RBFOX1: variants seen among roughly 807,000 people sequenced by gnomAD.
RBFOX1 encodes RNA binding fox-1 homolog 1, also known as RNA binding protein fox-1 homolog 1.
Under a neutral mutation model 57.7 loss-of-function variants are expected in RBFOX1, and 8 were observed. The observed-to-expected ratio is 0.14, with a 90% confidence interval of 0.08 to 0.25. The LOEUF (loss-of-function observed/expected upper bound fraction) is 0.25. Ranked by LOEUF, RBFOX1 falls within the 10% of genes least tolerant of loss-of-function variation. The pLI, the probability that RBFOX1 is intolerant of heterozygous loss-of-function variation, is 1.00. For missense variants in RBFOX1, 611 were observed against 548.5 expected (o/e 1.11, Z -1.14); for synonymous variants, 326 against 222.4 (o/e 1.47, Z -4.15).
intron 2 of RBFOX1, among the ~76,000 whole-genome samples, chr16:5,537,006 ATCT>A (rs1484792967): frequency 6.6e-6 from 1 of 152,206 alleles, no homozygotes; most frequent in Non-Finnish European, 1.5e-5. Flanking sequence ...AACAAGGATC[ATCT>A]TCTCCCCAGT....
intron 3 of RBFOX1, among the ~76,000 whole-genome samples, chr16:6,995,503 G>A (rs1042171057): frequency 5.3e-5 from 8 of 152,186 alleles, no homozygotes; most frequent in African/African-American, 1.2e-4. Context: ...GGTGGCTCAC[G>A]CATGTAATCC....
intron 2 of RBFOX1, among the ~76,000 whole-genome samples, chr16:6,320,219 A>G (rs909484146): frequency 6.6e-6 from 1 of 152,176 alleles, no homozygotes; most frequent in African/African-American, 2.4e-5. Flanking sequence ...TGATGCTTGT[A>G]TCACACAGGA....
At chr16:7,133,885 G>A (rs564242193) in intron 4 of RBFOX1, among the ~76,000 whole-genome samples, 17 of 152,058 alleles carry the variant, frequency 1.1e-4, no homozygotes, top group Non-Finnish European at 2.5e-4. Flanking sequence ...AAAATATACA[G>A]CTAAACAGAA....
chr16:5,485,805 G>A (rs957176079), intron 2 of RBFOX1, among the ~76,000 whole-genome samples: 4 of 152,190 alleles, frequency 2.6e-5, no homozygotes, highest in Non-Finnish European at 5.9e-5. Context: ...GCACAAGAAC[G>A]ACCATGGGTT....
chr16:6,694,642 C>G (rs1233122021), intron 3 of RBFOX1, among the ~76,000 whole-genome samples: 1 of 152,132 alleles, frequency 6.6e-6, no homozygotes, highest in African/African-American at 2.4e-5. Context: ...CTGTGTTGGT[C>G]TTATCATGGC....
chr16:7,394,208 C>T (rs1405800474), intron 4 of RBFOX1, among the ~76,000 whole-genome samples: 1 of 119,406 alleles, frequency 8.4e-6, no homozygotes, highest in Non-Finnish European at 1.6e-5. Flanking sequence ...TGCACTCTAG[C>T]CTGGGCAACA....
At chr16:6,960,539 T>A (rs1236129946) in intron 3 of RBFOX1, among the ~76,000 whole-genome samples, 2 of 151,840 alleles carry the variant, frequency 1.3e-5, no homozygotes, top group African/African-American at 4.8e-5. Flanking sequence ...TCTTCAGGAG[T>A]CACCTCTTTC....
intron 3 of RBFOX1, among the ~76,000 whole-genome samples, chr16:6,884,832 A>G (rs562684976): frequency 6.6e-6 from 1 of 152,290 alleles, no homozygotes; most frequent in African/African-American, 2.4e-5. Flanking sequence ...CAGGAGGTGG[A>G]GGTGGCAGTC....
At chr16:6,542,280 C>A (rs1429427318) in intron 2 of RBFOX1, among the ~76,000 whole-genome samples, 1 of 151,908 alleles carries the variant, frequency 6.6e-6, no homozygotes, top group Non-Finnish European at 1.5e-5. Flanking sequence ...GACCAGAGGT[C>A]AGATACTTAT....
intron 3 of RBFOX1, among the ~76,000 whole-genome samples, chr16:6,925,200 C>T (rs187807918): frequency 1.7e-5 from 2 of 117,236 alleles, no homozygotes; most frequent in African/African-American, 3.3e-5. Flanking sequence ...GTGGTATGAT[C>T]TCAGCTCACT....
At chr16:6,997,379 A>G (rs1252366925) in intron 3 of RBFOX1, among the ~76,000 whole-genome samples, 6 of 152,200 alleles carry the variant, frequency 3.9e-5, no homozygotes, top group African/African-American at 7.2e-5. Context: ...TTGTCAACCT[A>G]TGTTGAAAAT....
chr16:5,312,689 C>T (rs899649171), intron 1 of RBFOX1, among the ~76,000 whole-genome samples: 1 of 152,136 alleles, frequency 6.6e-6, no homozygotes, highest in African/African-American at 2.4e-5. Flanking sequence ...AAGAGACAGA[C>T]AATTCTCAAA....
intron 3 of RBFOX1, among the ~76,000 whole-genome samples, chr16:7,033,391 A>T (rs2043322348): frequency 6.6e-6 from 1 of 152,184 alleles, no homozygotes; most frequent in African/African-American, 2.4e-5. Context: ...GTGATGGCAC[A>T]TGCCTGTAAT....
At chr16:5,811,928 C>T (rs1248564767) in intron 3 of RBFOX1, among the ~76,000 whole-genome samples, 1 of 152,190 alleles carries the variant, frequency 6.6e-6, no homozygotes, top group Non-Finnish European at 1.5e-5. Flanking sequence ...TTAATCTACT[C>T]TCCCTCAACC....
At chr16:7,691,529 C>G (rs772398332) in intron 14 of RBFOX1, among the ~76,000 whole-genome samples, 1 of 149,594 alleles carries the variant, frequency 6.7e-6, no homozygotes, top group Non-Finnish European at 1.5e-5. Context: ...TAAGTGCAGA[C>G]TCAAAAAGAA....
intron 4 of RBFOX1, among the ~76,000 whole-genome samples, chr16:7,172,214 T>G (rs376824050): frequency 1.3e-5 from 2 of 152,184 alleles, no homozygotes; most frequent in African/African-American, 4.8e-5. Flanking sequence ...TTTTCTTATA[T>G]TACCTAAAAT....
chr16:6,660,709 T>C (rs1027752019), intron 3 of RBFOX1, among the ~76,000 whole-genome samples: 1 of 152,214 alleles, frequency 6.6e-6, no homozygotes, highest in Non-Finnish European at 1.5e-5. Context: ...CTGCAAATCA[T>C]TTTATATAAT....
intron 2 of RBFOX1, among the ~76,000 whole-genome samples, chr16:5,535,037 A>G (rs552321241): frequency 3.9e-5 from 6 of 152,204 alleles, no homozygotes; most frequent in Admixed American, 6.5e-5. Flanking sequence ...AAAAATAACT[A>G]TCCTCATGGG....
At chr16:5,742,366 C>A (rs2052807400) in intron 3 of RBFOX1, among the ~76,000 whole-genome samples, 1 of 120,184 alleles carries the variant, frequency 8.3e-6, no homozygotes, top group African/African-American at 2.8e-5. Flanking sequence ...TCCTTCCTCT[C>A]CTTCCTCTCC....
Sources: allele counts gnomAD v4.1 joint callset (sites outside exome capture counted in the v4.1 genomes callset), GRCh38; gene constraint gnomAD v4.1.1; transcripts MANE v1.5; gene names NCBI Gene and HGNC (gene_info 2026-07-23, HGNC 2026-07-21).